The following MARK1 variants were observed in gnomAD, a reference collection of about 807,000 sequenced individuals.
The protein encoded by MARK1 is microtubule affinity regulating kinase 1.
In MARK1, 40 loss-of-function variants were observed where a neutral mutation model predicts 96.3. The observed-to-expected ratio is 0.42, with a 90% CI of 0.32 to 0.54. The LOEUF (loss-of-function observed/expected upper bound fraction) is 0.54. Among genes scored for constraint, MARK1 ranks in the 20% least tolerant of loss-of-function variants. The pLI, the probability that MARK1 is intolerant of heterozygous loss-of-function variation, is 0.16. For synonymous variants in MARK1, 317 were observed against 341.2 expected (o/e 0.93, Z 0.78); for missense variants, 719 against 984.6 (o/e 0.73, Z 3.61).
At chr1:220,651,288 A>G (rs1668858181) in intron 14 of MARK1, among the ~76,000 whole-genome samples, 1 of 152,218 alleles carries the variant, frequency 6.6e-6, no homozygotes, top group Admixed American at 6.5e-5. Flanking sequence ...AGCCTATTCT[A>G]ATGAAATTAT....
chr1:220,544,460 T>C (rs956902702), intron 1 of MARK1, among the ~76,000 whole-genome samples: 2 of 152,246 alleles, frequency 1.3e-5, no homozygotes, highest in African/African-American at 2.4e-5. Context: ...CACACTTGCT[T>C]ACCCTTCTGC....
chr1:220,635,534 G>A lies in MARK1; in HGVS notation c.1276+5G>A. The A allele has an allele frequency of 6.2e-7, 1 of 1,600,078 alleles. No homozygotes were observed. On this transcript the variant is annotated splice_donor_5th_base_variant and intron_variant, in intron 12 of 17. Coordinates refer to ENST00000366917, the MANE Select transcript of MARK1 (RefSeq NM_018650.5). ...AGCGGCGTTTCAGTGATCATGGTAGGGGAAAAAGTCACATAAGTGAAGCAA... is the reference window on the plus strand; with the variant it reads ...AGCGGCGTTTCAGTGATCATGGTAGAGGAAAAAGTCACATAAGTGAAGCAA...
intron 1 of MARK1, among the ~76,000 whole-genome samples, chr1:220,537,187 A>G (rs943905407): frequency 6.8e-6 from 1 of 146,418 alleles, no homozygotes; most frequent in Non-Finnish European, 1.5e-5. Context: ...TGCTGCACCC[A>G]TTAACTCTTC....
intron 1 of MARK1, among the ~76,000 whole-genome samples, chr1:220,540,961 T>TCTTGCTC (rs1343635203): frequency 6.6e-6 from 1 of 151,790 alleles, no homozygotes; most frequent in Non-Finnish European, 1.5e-5. Context: ...TGAGATAGAG[T>TCTTGCTC]CTTGCTCTGT....
chr1:220,580,643 A>AT (rs1361262165), intron 2 of MARK1, among the ~76,000 whole-genome samples: 2 of 152,330 alleles, frequency 1.3e-5, no homozygotes, highest in East Asian at 3.9e-4. Flanking sequence ...ATTCAAGTCC[A>AT]TTTTGTCAGT....
chr1:220,543,575 TCTTCTGCGTATAAA>T (rs1661287904), intron 1 of MARK1, among the ~76,000 whole-genome samples: 1 of 152,162 alleles, frequency 6.6e-6, no homozygotes, highest in Non-Finnish European at 1.5e-5. Context: ...GTTCTCTAAT[TCTTCTGCGTATAAA>T]CTTCTGCTTT....
At chr1:220,586,019 G>GCGCGCGCT (rs1491504147) in intron 3 of MARK1, among the ~76,000 whole-genome samples, 1 of 107,990 alleles carries the variant, frequency 9.3e-6, no homozygotes, top group African/African-American at 3.0e-5. Flanking sequence ...ACACGCGCGC[G>GCGCGCGCT]TGCGCAGAGA....
At chr1:220,623,597 C>T (rs1246802591) in intron 9 of MARK1, among the ~76,000 whole-genome samples, 12 of 152,122 alleles carry the variant, frequency 7.9e-5, no homozygotes, top group Admixed American at 7.9e-4. Flanking sequence ...GGAAACAAAA[C>T]TGTTGATTCT....
intron 9 of MARK1, among the ~76,000 whole-genome samples, chr1:220,624,126 C>T (rs146322092): frequency 0.011 from 1,711 of 151,736 alleles, 25 homozygotes; most frequent in African/African-American, 0.04. Flanking sequence ...GATGAAACCC[C>T]GTCTCTACTA....
chr1:220,660,540 CT>C lies in MARK1; in HGVS notation c.2034-1263del, dbSNP rs547111990. ...TAGATTATAAACTCCTTTCAAGGGACTTTTTTTTTCTTAAATCACATAAGTG... is the reference window on the plus strand; with the variant it reads ...TAGATTATAAACTCCTTTCAAGGGACTTTTTTTTCTTAAATCACATAAGTG... On this transcript the variant is annotated intron_variant, in intron 17 of 17. Coordinates refer to ENST00000366917, the MANE Select transcript of MARK1 (RefSeq NM_018650.5). Among the ~76,000 whole-genome samples the C allele has an allele frequency of 2.2e-3, 332 of 151,138 alleles. 1 individual carries two copies. The highest frequency in any genetic ancestry group is 7.6e-3 in the African/African-American group (312 of 41,198).
intron 1 of MARK1, among the ~76,000 whole-genome samples, chr1:220,542,108 A>T (rs889189973): frequency 6.6e-6 from 1 of 151,864 alleles, no homozygotes; most frequent in Admixed American, 6.6e-5. Context: ...CTTTTTCCCC[A>T]TCTGTTGAAT....
chr1:220,562,996 C>A (rs529082336), intron 1 of MARK1, among the ~76,000 whole-genome samples: 1 of 152,114 alleles, frequency 6.6e-6, no homozygotes, highest in African/African-American at 2.4e-5. Flanking sequence ...AGTCCTCTTC[C>A]TGCATTTAAG....
chr1:220,581,157 T>C (rs1664215799), intron 3 of MARK1, 39 bp downstream of exon 3: 1 of 700,058 alleles, frequency 1.4e-6, no homozygotes, highest in Non-Finnish European at 2.2e-6. Context: ...AATGTGAGTT[T>C]ATCATTAATA....
intron 3 of MARK1, among the ~76,000 whole-genome samples, chr1:220,584,396 A>T (rs143592272): frequency 2.0e-5 from 3 of 152,348 alleles, no homozygotes; most frequent in Admixed American, 2.0e-4. Context: ...ATAGAATGTG[A>T]ATCGCTTTGC....
At chr1:220,655,557 TC>T (rs1341604083) in intron 16 of MARK1, among the ~76,000 whole-genome samples, 1 of 152,172 alleles carries the variant, frequency 6.6e-6, no homozygotes, top group Non-Finnish European at 1.5e-5. Flanking sequence ...ACACTTCTTT[TC>T]CTCATACCAC....
intron 1 of MARK1, among the ~76,000 whole-genome samples, chr1:220,575,557 T>C (rs1663773729): frequency 6.6e-6 from 1 of 152,228 alleles, no homozygotes; most frequent in Non-Finnish European, 1.5e-5. Context: ...TCCTAAGTGA[T>C]GCTGTAGCAA....
chr1:220,623,859 C>G (rs12063445), intron 9 of MARK1, among the ~76,000 whole-genome samples: 6,400 of 152,272 alleles, frequency 0.042, 429 homozygotes, highest in African/African-American at 0.15. Flanking sequence ...TGACTTTGCA[C>G]CATTCCAAAT....
chr1:220,647,288 A>G (rs1407591633), intron 13 of MARK1, among the ~76,000 whole-genome samples: 2 of 152,212 alleles, frequency 1.3e-5, no homozygotes, highest in Non-Finnish European at 2.9e-5. Flanking sequence ...TGGCCAACAA[A>G]CAAGAAAAAA....
chr1:220,661,047 C>T (rs557543114), intron 17 of MARK1, among the ~76,000 whole-genome samples: 6 of 152,306 alleles, frequency 3.9e-5, no homozygotes, highest in East Asian at 1.9e-4. Flanking sequence ...GAGTTAGCGT[C>T]GCAGCCATCT....
Sources: allele counts gnomAD v4.1 joint callset (sites outside exome capture counted in the v4.1 genomes callset), GRCh38; gene constraint gnomAD v4.1.1; transcripts MANE v1.5; gene names NCBI Gene and HGNC (gene_info 2026-07-23, HGNC 2026-07-21).